Variants in SLC6A11 observed in about 807,000 individuals in gnomAD.
The protein encoded by SLC6A11 is solute carrier family 6 member 11.
In SLC6A11, 25 loss-of-function variants were observed where a neutral mutation model predicts 74.8. The observed-to-expected ratio is 0.33, with a 90% confidence interval of 0.24 to 0.47. The LOEUF (loss-of-function observed/expected upper bound fraction) is 0.47, where lower values mean the gene tolerates loss of function less well. Ranked by LOEUF, SLC6A11 falls within the 20% of genes least tolerant of loss-of-function variation. SLC6A11 has a pLI of 1.00. For missense variants in SLC6A11, 574 were observed against 837.0 expected (o/e 0.69, Z 3.88); for synonymous variants, 330 against 330.2 (o/e 1.00, Z 0.01).
At chr3:10,870,199 C>T (rs189478545) in intron 5 of SLC6A11, among the ~76,000 whole-genome samples, 2 of 152,312 alleles carry the variant, frequency 1.3e-5, no homozygotes, top group African/African-American at 2.4e-5. Flanking sequence ...TCTCCATAGC[C>T]TCCTTTTCTT....
chr3:10,887,646 A>G (rs1695061174), intron 6 of SLC6A11, among the ~76,000 whole-genome samples: 2 of 152,108 alleles, frequency 1.3e-5, no homozygotes, highest in Admixed American at 1.3e-4. Context: ...GGGTTTCACC[A>G]TGTTGGCCAG....
At chr3:10,894,101 TTAGCCACC>T (rs1208586993) in intron 6 of SLC6A11, among the ~76,000 whole-genome samples, 1 of 152,100 alleles carries the variant, frequency 6.6e-6, no homozygotes. Context: ...GTCCACCAGG[TTAGCCACC>T]CCTCCTGGTT....
At chr3:10,906,954 G>A (rs941526114) in intron 6 of SLC6A11, among the ~76,000 whole-genome samples, 25 of 152,184 alleles carry the variant, frequency 1.6e-4, no homozygotes, top group Admixed American at 1.4e-3. Context: ...TAAGAGTACA[G>A]GAAAATCTAT....
At chr3:10,909,315 A>G (rs1360680513) in intron 6 of SLC6A11, among the ~76,000 whole-genome samples, 2 of 152,158 alleles carry the variant, frequency 1.3e-5, no homozygotes, top group African/African-American at 4.8e-5. Flanking sequence ...ATGGATGCTA[A>G]GTAGGCAAAA....
At chr3:10,908,193 A>C (rs1695335311) in intron 6 of SLC6A11, among the ~76,000 whole-genome samples, 2 of 152,246 alleles carry the variant, frequency 1.3e-5, no homozygotes, top group African/African-American at 4.8e-5. Context: ...TATACAGTGT[A>C]CTAAAAATTT....
intron 9 of SLC6A11, among the ~76,000 whole-genome samples, chr3:10,928,157 G>T (rs1349549839): frequency 1.3e-5 from 2 of 152,090 alleles, no homozygotes; most frequent in Non-Finnish European, 2.9e-5. Context: ...CACATCGCAG[G>T]TATGATATGT....
At chr3:10,897,447 G>A (rs552083624) in intron 6 of SLC6A11, among the ~76,000 whole-genome samples, 21 of 152,296 alleles carry the variant, frequency 1.4e-4, no homozygotes, top group African/African-American at 4.8e-4. Context: ...CAGGCATTGG[G>A]TAAATACAAC....
At chr3:10,865,512 A>G (rs1171535157) in intron 5 of SLC6A11, among the ~76,000 whole-genome samples, 6 of 152,096 alleles carry the variant, frequency 3.9e-5, no homozygotes, top group Admixed American at 3.3e-4. Context: ...AAATACAAAA[A>G]ATTAGCTGGG....
At chr3:10,892,842 A>G (rs1375652474) in intron 6 of SLC6A11, among the ~76,000 whole-genome samples, 2 of 152,210 alleles carry the variant, frequency 1.3e-5, no homozygotes, top group Admixed American at 6.5e-5. Flanking sequence ...GTTATAGATG[A>G]CAGTGCATTA....
intron 9 of SLC6A11, among the ~76,000 whole-genome samples, chr3:10,927,463 G>A (rs902999748): frequency 5.9e-5 from 9 of 152,188 alleles, no homozygotes; most frequent in African/African-American, 2.2e-4. Flanking sequence ...ACACGGGCTG[G>A]GGGCTCCTTT....
intron 10 of SLC6A11, among the ~76,000 whole-genome samples, chr3:10,929,591 G>A (rs1695657196): frequency 6.6e-6 from 1 of 152,138 alleles, no homozygotes; most frequent in South Asian, 2.1e-4. Context: ...CACTCACCAG[G>A]GGAACGCTGG....
chr3:10,859,692 C>T (rs1200752679), intron 5 of SLC6A11, among the ~76,000 whole-genome samples: 4 of 152,098 alleles, frequency 2.6e-5, no homozygotes, highest in Admixed American at 1.3e-4. Flanking sequence ...CTGTAGATAT[C>T]GTCTTATTTT....
At chr3:10,824,102 G>A (rs1056529952) in intron 4 of SLC6A11, 6 of 152,426 alleles carry the variant, frequency 3.9e-5, no homozygotes, top group African/African-American at 7.2e-5. Context: ...ATGTGTGGTT[G>A]TGTACATTGC....
At chr3:10,898,413 C>G (rs1169625453) in intron 6 of SLC6A11, among the ~76,000 whole-genome samples, 1 of 152,210 alleles carries the variant, frequency 6.6e-6, no homozygotes, top group Non-Finnish European at 1.5e-5. Flanking sequence ...AACTGAATGC[C>G]TTTAACAGCA....
chr3:10,873,647 GT>G (rs1694866069), intron 5 of SLC6A11, among the ~76,000 whole-genome samples: 1 of 107,970 alleles, frequency 9.3e-6, no homozygotes, highest in East Asian at 3.1e-4. Flanking sequence ...GTCCTGTCCT[GT>G]CCATCTATCC....
At chr3:10,910,426 C>T (rs999726480) in intron 6 of SLC6A11, among the ~76,000 whole-genome samples, 8 of 152,062 alleles carry the variant, frequency 5.3e-5, no homozygotes, top group Non-Finnish European at 1.2e-4. Flanking sequence ...GGCCTGCGTG[C>T]CCCCAGAACG....
At chr3:10,879,544 C>T (rs1478670549) in intron 6 of SLC6A11, among the ~76,000 whole-genome samples, 1 of 152,154 alleles carries the variant, frequency 6.6e-6, no homozygotes, top group Non-Finnish European at 1.5e-5. Flanking sequence ...CCCCTCCTCC[C>T]TCAATCACAG....
chr3:10,830,324 C>G (rs1028011569), intron 4 of SLC6A11, among the ~76,000 whole-genome samples: 3 of 152,138 alleles, frequency 2.0e-5, no homozygotes, highest in African/African-American at 7.2e-5. Context: ...TAGATTTTAC[C>G]CACAATGCTA....
intron 5 of SLC6A11, among the ~76,000 whole-genome samples, chr3:10,845,804 A>G (rs1477573318): frequency 1.3e-5 from 2 of 152,220 alleles, no homozygotes; most frequent in Middle Eastern, 3.2e-3. Flanking sequence ...TGTAGTTTGT[A>G]TCATGAAGAC....
Sources: allele counts gnomAD v4.1 joint callset (sites outside exome capture counted in the v4.1 genomes callset), GRCh38; gene constraint gnomAD v4.1.1; transcripts MANE v1.5; gene names NCBI Gene and HGNC (gene_info 2026-07-23, HGNC 2026-07-21).